UBL3: variants seen among roughly 807,000 people sequenced by gnomAD.
The protein encoded by UBL3 is ubiquitin like 3, also known as ubiquitin-like protein 3.
In UBL3, 6 loss-of-function variants were observed where a neutral mutation model predicts 18.4. The ratio of observed to expected loss-of-function variants is 0.33; its 90% confidence interval spans 0.18 to 0.64. The LOEUF is 0.64. Among genes scored for constraint, UBL3 ranks in the 30% least tolerant of loss-of-function variants. The probability of loss-of-function intolerance (pLI) is 0.76; values close to 1 mark genes in which losing one functional copy is unlikely to be tolerated. For missense variants in UBL3, 109 were observed against 142.9 expected, an observed-to-expected ratio of 0.76 and a Z score of 1.21; for synonymous variants, 49 against 46.6, an observed-to-expected ratio of 1.05 and a Z score of -0.21.
chr13:29,845,279 A>G (rs1006896540), intron 1 of UBL3, among the ~76,000 whole-genome samples: 2 of 152,152 alleles, frequency 1.3e-5, no homozygotes, highest in East Asian at 3.8e-4. Flanking sequence ...GAGACATTCA[A>G]GTAAAAATTC....
rs567948123 is a variant in UBL3 at position 29,831,746 on chromosome 13, C to T, written c.27+17766G>A. 2.7e-5 allele frequency among the ~76,000 whole-genome samples: 4 copies of T among 149,740 alleles called. No homozygotes were observed. The South Asian group carries it at 8.5e-4, about 32-fold the overall frequency. The stretch of plus-strand genomic sequence containing the variant: ...CGCTGACATTAAGAGAAGAAAAAAA[C>T]TAAAAAATCACAAAAAGTAAAACAA... On this transcript the variant is annotated intron_variant, in intron 1 of 4. Transcript: ENST00000380680.
chr13:29,839,958 AAAAT>A (rs71192626), intron 1 of UBL3, among the ~76,000 whole-genome samples: 1 of 150,022 alleles, frequency 6.7e-6, no homozygotes, highest in African/African-American at 2.5e-5. Flanking sequence ...AAGATTTTAA[AAAAT>A]AAATAAGCTG....
chr13:29,790,475 TC>T (rs1035969740), intron 1 of UBL3, among the ~76,000 whole-genome samples: 3 of 152,194 alleles, frequency 2.0e-5, no homozygotes, highest in Non-Finnish European at 4.4e-5. Flanking sequence ...TCTGTAACAT[TC>T]CACACAATTT....
chr13:29,789,194 C>T (rs1327666446), intron 1 of UBL3, among the ~76,000 whole-genome samples: 2 of 152,000 alleles, frequency 1.3e-5, no homozygotes, highest in Admixed American at 6.6e-5. Flanking sequence ...CCACCACGCC[C>T]GGCGGGAATT....
At chr13:29,817,612 C>T (rs1298512121) in intron 1 of UBL3, among the ~76,000 whole-genome samples, 2 of 152,060 alleles carry the variant, frequency 1.3e-5, no homozygotes, top group Non-Finnish European at 1.5e-5. Flanking sequence ...AATCTGTAAT[C>T]CAACTCTAAA....
At chr13:29,783,099 A>G (rs1240366805) in intron 1 of UBL3, among the ~76,000 whole-genome samples, 1 of 152,240 alleles carries the variant, frequency 6.6e-6, no homozygotes, top group East Asian at 1.9e-4. Context: ...GTGGCATAGT[A>G]TGTAGAACAG....
intron 1 of UBL3, among the ~76,000 whole-genome samples, chr13:29,820,613 T>G (rs1878408972): frequency 6.6e-6 from 1 of 152,206 alleles, no homozygotes; most frequent in Non-Finnish European, 1.5e-5. Context: ...TAAAAACTAT[T>G]ATATCAAGCT....
At chr13:29,829,638 G>A (rs950747864) in intron 1 of UBL3, among the ~76,000 whole-genome samples, 4 of 152,138 alleles carry the variant, frequency 2.6e-5, no homozygotes, top group South Asian at 2.1e-4. Flanking sequence ...TGCACTTCCC[G>A]GGTGAGGTGA....
At chr13:29,782,219 CT>C (rs930383604) in intron 1 of UBL3, among the ~76,000 whole-genome samples, 2 of 151,952 alleles carry the variant, frequency 1.3e-5, no homozygotes, top group Non-Finnish European at 2.9e-5. Context: ...TTCCCAATCT[CT>C]TTTTTTCCAC....
chr13:29,767,348 G>C lies in UBL3; in HGVS notation c.302-41C>G, dbSNP rs375037311. 1.1e-5 allele frequency: 18 copies of C among 1,610,348 alleles called. No individual in the cohort carries two copies. In the African/African-American group the frequency reaches 2.1e-4, roughly 19 times the overall value. ...AAGAGCCTCGTTTATAAAAATTCTA[G>C]AACTGGAGGGGAAAATGGGCTAGGC... On this transcript the variant is annotated intron_variant, in intron 4 of 4. Coordinates refer to ENST00000380680, the MANE Select transcript of UBL3 (RefSeq NM_007106.4).
At chr13:29,787,941 A>T (rs559411842) in intron 1 of UBL3, among the ~76,000 whole-genome samples, 79 of 152,290 alleles carry the variant, frequency 5.2e-4, no homozygotes, top group African/African-American at 1.8e-3. Flanking sequence ...AGTTTCATGT[A>T]TTTCAGGAAG....
At chr13:29,790,285 T>C (rs1435531766) in intron 1 of UBL3, among the ~76,000 whole-genome samples, 2 of 152,232 alleles carry the variant, frequency 1.3e-5, no homozygotes, top group Non-Finnish European at 2.9e-5. Flanking sequence ...TAGACTTGAA[T>C]AGAGGTAAAA....
chr13:29,769,953 C>T (rs920598324), intron 3 of UBL3, among the ~76,000 whole-genome samples: 2 of 152,054 alleles, frequency 1.3e-5, no homozygotes, highest in Non-Finnish European at 2.9e-5. Context: ...TTGACCACTA[C>T]CTATAACAAG....
At chr13:29,786,194 A>C (rs1877309184) in intron 1 of UBL3, among the ~76,000 whole-genome samples, 1 of 152,140 alleles carries the variant, frequency 6.6e-6, no homozygotes, top group African/African-American at 2.4e-5. Context: ...CTAAAGACCA[A>C]CTGACTCAGC....
At chr13:29,790,860 G>T (rs187185820) in intron 1 of UBL3, among the ~76,000 whole-genome samples, 1 of 152,022 alleles carries the variant, frequency 6.6e-6, no homozygotes, top group East Asian at 1.9e-4. Context: ...CCAAATATGG[G>T]TTTTTCCAAG....
At chr13:29,813,534 A>G (rs1878170717) in intron 1 of UBL3, among the ~76,000 whole-genome samples, 1 of 152,116 alleles carries the variant, frequency 6.6e-6, no homozygotes, top group Non-Finnish European at 1.5e-5. Flanking sequence ...ACAGATTGAA[A>G]ATATTTGGAA....
At chr13:29,824,416 T>A (rs1423565584) in intron 1 of UBL3, among the ~76,000 whole-genome samples, 1 of 152,218 alleles carries the variant, frequency 6.6e-6, no homozygotes, top group African/African-American at 2.4e-5. Context: ...TGGTGTGAGA[T>A]GGTATCTCAT....
chr13:29,786,889 G>C (rs532085717), intron 1 of UBL3, among the ~76,000 whole-genome samples: 1 of 28,524 alleles, frequency 3.5e-5, no homozygotes, highest in African/African-American at 8.0e-5. Context: ...GTAGATAAGA[G>C]AGGTCAGAGA....
intron 1 of UBL3, among the ~76,000 whole-genome samples, chr13:29,849,195 C>A (rs1879305149): frequency 6.6e-6 from 1 of 152,214 alleles, no homozygotes; most frequent in Admixed American, 6.5e-5. Context: ...CTGACGTTTT[C>A]AGAAACGTTA....
Sources: allele counts gnomAD v4.1 joint callset (sites outside exome capture counted in the v4.1 genomes callset), GRCh38; gene constraint gnomAD v4.1.1; transcripts MANE v1.5; gene names NCBI Gene and HGNC (gene_info 2026-07-23, HGNC 2026-07-21).